Variants in ITGA9 observed in about 807,000 individuals in gnomAD.
ITGA9 encodes the protein integrin alpha-9.
A neutral mutation model predicts 127.8 loss-of-function variants in ITGA9; 56 were observed. The ratio of observed to expected loss-of-function variants is 0.44; its 90% CI spans 0.35 to 0.55. ITGA9 has a LOEUF of 0.55. Among genes scored for constraint, ITGA9 ranks in the 20% least tolerant of loss-of-function variants. The probability of loss-of-function intolerance (pLI) is 0.00; values close to 1 mark genes in which losing one functional copy is unlikely to be tolerated. For missense variants in ITGA9, 1,196 were observed against 1,347.1 expected, an observed-to-expected ratio of 0.89 and a Z score of 1.76; for synonymous variants, 508 against 514.5, an observed-to-expected ratio of 0.99 and a Z score of 0.17.
At chr3:37,772,103 A>T (rs2685096) in intron 23 of ITGA9, among the ~76,000 whole-genome samples, 1 of 151,864 alleles carries the variant, frequency 6.6e-6, no homozygotes, top group Non-Finnish European at 1.5e-5. Context: ...GCTTGCCTCC[A>T]TCTGTAAAAT....
chr3:37,767,546 G>C lies in ITGA9; in HGVS notation c.2542-9846G>C, dbSNP rs1575228594. Among the ~76,000 whole-genome samples the C allele has an allele frequency of 1.3e-5, 2 of 152,290 alleles. 1 individual carries two copies. The highest frequency in any genetic ancestry group is 3.9e-4 in the East Asian group (2 of 5,180). On this transcript the variant is annotated intron_variant, in intron 23 of 27. Transcript: ENST00000264741. ...CTCTATCCCCAGCTCTGCAGGTTTGGAGTGGGCTGTCATGTGATTTTGTTT... is the reference window on the plus strand; with the variant it reads ...CTCTATCCCCAGCTCTGCAGGTTTGCAGTGGGCTGTCATGTGATTTTGTTT...
chr3:37,572,141 A>C (rs549380059), intron 15 of ITGA9, among the ~76,000 whole-genome samples: 1 of 152,026 alleles, frequency 6.6e-6, no homozygotes, highest in Admixed American at 6.6e-5. Flanking sequence ...GGGGTCTCTG[A>C]GGATGGATGC....
chr3:37,797,371 A>G (rs2125559709), intron 26 of ITGA9, among the ~76,000 whole-genome samples: 1 of 152,140 alleles, frequency 6.6e-6, no homozygotes, highest in Admixed American at 6.5e-5. Context: ...ATAAAAACAA[A>G]TGGGGGCTGA....
At chr3:37,471,470 G>A (rs1000036311) in intron 2 of ITGA9, among the ~76,000 whole-genome samples, 6 of 152,124 alleles carry the variant, frequency 3.9e-5, no homozygotes, top group South Asian at 2.1e-4. Flanking sequence ...GGGACCTTTC[G>A]ACATGATTAG....
intron 15 of ITGA9, among the ~76,000 whole-genome samples, chr3:37,589,800 A>T (rs1256505845): frequency 6.6e-6 from 1 of 152,208 alleles, no homozygotes; most frequent in Non-Finnish European, 1.5e-5. Flanking sequence ...GGTCAGAGAC[A>T]TGACAGAGGC....
At chr3:37,634,903 A>C (rs1700263467) in intron 16 of ITGA9, among the ~76,000 whole-genome samples, 1 of 152,220 alleles carries the variant, frequency 6.6e-6, no homozygotes, top group African/African-American at 2.4e-5. Flanking sequence ...ATCTTTTCTG[A>C]CCACAATGGT....
chr3:37,683,723 G>T, intron 17 of ITGA9, 142 bp from the exon 18 acceptor site: 2 of 817,012 alleles, frequency 2.4e-6, no homozygotes, highest in African/African-American at 1.7e-5. Context: ...GATTGCCCAA[G>T]GACACATGGC....
chr3:37,756,452 T>C (rs1479097881), intron 23 of ITGA9, among the ~76,000 whole-genome samples: 1 of 152,138 alleles, frequency 6.6e-6, no homozygotes, highest in Non-Finnish European at 1.5e-5. Context: ...AGTAAAATAA[T>C]GAGTATTTGA....
At chr3:37,601,772 A>G (rs1168014178) in intron 15 of ITGA9, among the ~76,000 whole-genome samples, 1 of 152,102 alleles carries the variant, frequency 6.6e-6, no homozygotes, top group Non-Finnish European at 1.5e-5. Flanking sequence ...CAGTGTCTTG[A>G]TCCATTTGTG....
chr3:37,579,009 T>G (rs992508682), intron 15 of ITGA9, among the ~76,000 whole-genome samples: 2 of 152,118 alleles, frequency 1.3e-5, no homozygotes, highest in Non-Finnish European at 2.9e-5. Context: ...GATAGGAGGC[T>G]TGTCCCCTCC....
intron 24 of ITGA9, among the ~76,000 whole-genome samples, chr3:37,777,851 C>T (rs937127597): frequency 2.6e-5 from 4 of 152,208 alleles, no homozygotes; most frequent in Admixed American, 6.5e-5. Context: ...TAAAACAAAA[C>T]GTGTGTATCC....
chr3:37,711,431 G>A (rs1316808860), intron 18 of ITGA9, among the ~76,000 whole-genome samples: 7 of 152,104 alleles, frequency 4.6e-5, no homozygotes, highest in South Asian at 2.1e-4. Flanking sequence ...TTTCAAAATC[G>A]AGCCACTAAG....
intron 18 of ITGA9, among the ~76,000 whole-genome samples, chr3:37,724,005 A>G (rs1004554046): frequency 6.6e-6 from 1 of 152,174 alleles, no homozygotes; most frequent in African/African-American, 2.4e-5. Context: ...CTCTGACTTC[A>G]GTATTTCTCC....
chr3:37,623,241 C>T (rs1700143866), intron 15 of ITGA9, among the ~76,000 whole-genome samples: 2 of 152,212 alleles, frequency 1.3e-5, no homozygotes, highest in African/African-American at 2.4e-5. Flanking sequence ...TGGCAGATGC[C>T]TTGAGGACAA....
chr3:37,559,154 G>C (rs191789440), intron 15 of ITGA9, among the ~76,000 whole-genome samples: 4 of 152,272 alleles, frequency 2.6e-5, no homozygotes, highest in Non-Finnish European at 5.9e-5. Context: ...CTTCCTTGCT[G>C]TCCATTTCTA....
At chr3:37,669,448 C>T (rs959794762) in intron 17 of ITGA9, among the ~76,000 whole-genome samples, 16 of 152,356 alleles carry the variant, frequency 1.1e-4, no homozygotes, top group African/African-American at 2.6e-4. Context: ...TTCCCTGGCT[C>T]GCCAACAGAT....
At chr3:37,762,981 T>C (rs776618366) in intron 23 of ITGA9, among the ~76,000 whole-genome samples, 9 of 152,242 alleles carry the variant, frequency 5.9e-5, no homozygotes, top group Non-Finnish European at 1.0e-4. Flanking sequence ...CATTTTCTTA[T>C]CTGTAAAATG....
chr3:37,673,663 C>T (rs185294327), intron 17 of ITGA9, among the ~76,000 whole-genome samples: 3 of 152,312 alleles, frequency 2.0e-5, no homozygotes, highest in East Asian at 3.9e-4. Flanking sequence ...GTTCTTTTCA[C>T]ACCTTTGTAC....
intron 14 of ITGA9, among the ~76,000 whole-genome samples, chr3:37,534,177 C>A (rs1176609421): frequency 6.6e-6 from 1 of 152,170 alleles, no homozygotes; most frequent in Non-Finnish European, 1.5e-5. Flanking sequence ...GAGCTTTATG[C>A]ATATTACTAG....
Sources: allele counts gnomAD v4.1 joint callset (sites outside exome capture counted in the v4.1 genomes callset), GRCh38; gene constraint gnomAD v4.1.1; transcripts MANE v1.5; gene names NCBI Gene and HGNC (gene_info 2026-07-23, HGNC 2026-07-21).